The following PHYHIPL variants were observed in gnomAD, a reference collection of about 807,000 sequenced individuals.
PHYHIPL encodes phytanoyl-CoA 2-hydroxylase interacting protein like, also known as phytanoyl-CoA hydroxylase-interacting protein-like.
Under a neutral mutation model 33.4 loss-of-function variants are expected in PHYHIPL, and 9 were observed. The observed-to-expected ratio is 0.27, with a 90% confidence interval of 0.16 to 0.47. The LOEUF is 0.47. PHYHIPL is among the 20% of genes least tolerant of loss of function. The pLI, the probability that PHYHIPL is intolerant of heterozygous loss-of-function variation, is 0.99. For missense variants in PHYHIPL, 365 were observed against 460.7 expected (o/e 0.79, Z 1.90); for synonymous variants, 153 against 154.1 (o/e 0.99, Z 0.05).
intron 1 of PHYHIPL, among the ~76,000 whole-genome samples, chr10:59,221,230 T>G (rs1283067107): frequency 6.6e-6 from 1 of 152,044 alleles, no homozygotes; most frequent in African/African-American, 2.4e-5. Flanking sequence ...CCTTTTCAAC[T>G]TGATTTGCTG....
intron 1 of PHYHIPL, among the ~76,000 whole-genome samples, chr10:59,228,392 T>C (rs1171173050): frequency 1.3e-5 from 2 of 152,150 alleles, no homozygotes; most frequent in Non-Finnish European, 2.9e-5. Flanking sequence ...TATTTTTATT[T>C]TGAGAGTTTA....
intron 1 of PHYHIPL, among the ~76,000 whole-genome samples, chr10:59,187,051 A>G (rs1259200679): frequency 1.3e-5 from 2 of 152,170 alleles, no homozygotes; most frequent in African/African-American, 4.8e-5. Context: ...CAGTTTTCAA[A>G]GGGAATGCTT....
chr10:59,174,298 C>A (rs1838215940), upstream of PHYHIPL, among the ~76,000 whole-genome samples: 1 of 152,074 alleles, frequency 6.6e-6, no homozygotes, highest in African/African-American at 2.4e-5. Flanking sequence ...TTCTACTTTA[C>A]CTACTTCATA....
intron 1 of PHYHIPL, chr10:59,177,653 A>T: frequency 6.4e-7 from 1 of 1,550,612 alleles, no homozygotes. Context: ...TATATCGTTT[A>T]TTCTGTTGTT....
At position 59,246,763 on chromosome 10, in the gene PHYHIPL, A is replaced by C; in HGVS notation, c.*1172A>C. On this transcript the variant is annotated 3_prime_UTR_variant, in exon 5 of 5. Coordinates refer to ENST00000373880, the MANE Select transcript of PHYHIPL (RefSeq NM_032439.4). ...TATAGATGTTGGAACATTAAGAAAA[A>C]TGTATATTCCCAATGAAAAAATAGT... The C allele has an allele frequency of 2.5e-6, 1 of 396,032 alleles. No homozygotes were observed. The highest frequency in any genetic ancestry group is 4.5e-6 in the Non-Finnish European group (1 of 224,308). The allele number at this position is 396,032 out of a possible 1,614,324, so 24.5% of individuals were successfully genotyped here.
chr10:59,175,085 T>C (rs538443467), upstream of PHYHIPL, among the ~76,000 whole-genome samples: 247 of 152,334 alleles, frequency 1.6e-3, 1 homozygote, highest in African/African-American at 5.8e-3. Flanking sequence ...AATACCAATT[T>C]CTAGTTCTAC....
intron 1 of PHYHIPL, among the ~76,000 whole-genome samples, chr10:59,184,904 G>C (rs1838528353): frequency 6.9e-6 from 1 of 144,902 alleles, no homozygotes; most frequent in South Asian, 2.3e-4. Context: ...GCAGTGTTTA[G>C]TTTTTTGTCC....
chr10:59,176,522 G>T (rs1446853869), upstream of PHYHIPL: 3 of 169,420 alleles, frequency 1.8e-5, no homozygotes, highest in East Asian at 4.6e-4. Context: ...GCAGGTGGGC[G>T]CGTTCTCCCG....
In PHYHIPL at chr10:59,176,914, A is replaced by T. The variant is rs2133168491; in HGVS notation, c.61A>T (p.Ile21Phe). 1 of 1,613,670 alleles carries T rather than the reference A, an allele frequency of 6.2e-7. No homozygotes were observed. The highest frequency in any genetic ancestry group is 2.2e-5 in the East Asian group (1 of 44,796). ...NSPTSPCEEVIKNLSLEAIQL... is the reference protein window; with the variant it reads ...NSPTSPCEEVFKNLSLEAIQL... ...CCCCACCAGCCCCTGTGAGGAGGTG[A>T]TCAAAAACCTCAGCCTGGAGGCCAT... is the stretch of plus-strand genomic sequence containing the variant. The change falls in exon 1 of 5, where the codon ATC becomes TTC. Residue 21 changes from isoleucine (I) to phenylalanine (F), a missense_variant. Physicochemically the swap from Ile to Phe is conservative, Grantham distance 21. Coordinates refer to ENST00000373880, the MANE Select transcript of PHYHIPL (RefSeq NM_032439.4).
At chr10:59,180,255 T>TAC (rs199854033) in intron 1 of PHYHIPL, among the ~76,000 whole-genome samples, 12 of 105,004 alleles carry the variant, frequency 1.1e-4, no homozygotes, top group African/African-American at 5.3e-4. Context: ...TAATCATATA[T>TAC]ATACACACAC....
chr10:59,215,824 C>G (rs1434343179), intron 1 of PHYHIPL, among the ~76,000 whole-genome samples: 1 of 99,118 alleles, frequency 1.0e-5, no homozygotes, highest in East Asian at 2.9e-4. Flanking sequence ...GACAGACAAC[C>G]AGCCTTCATA....
At chr10:59,221,087 G>T (rs1053475882) in intron 1 of PHYHIPL, among the ~76,000 whole-genome samples, 2 of 151,778 alleles carry the variant, frequency 1.3e-5, no homozygotes, top group Non-Finnish European at 2.9e-5. Context: ...GACTAAACTT[G>T]CCTGGACTAG....
intron 4 of PHYHIPL, among the ~76,000 whole-genome samples, chr10:59,242,081 T>G (rs1190491785): frequency 6.6e-6 from 1 of 152,116 alleles, no homozygotes; most frequent in Non-Finnish European, 1.5e-5. Flanking sequence ...CTCTATCCTC[T>G]CACATCTGTA....
intron 1 of PHYHIPL, among the ~76,000 whole-genome samples, chr10:59,204,835 C>T (rs762186109): frequency 3.5e-4 from 52 of 150,720 alleles, no homozygotes; most frequent in Admixed American, 8.6e-4. Flanking sequence ...CTCATTTAGA[C>T]AGGATCAGTA....
At chr10:59,220,830 C>T (rs1339884808) in intron 1 of PHYHIPL, among the ~76,000 whole-genome samples, 1 of 151,914 alleles carries the variant, frequency 6.6e-6, no homozygotes, top group Non-Finnish European at 1.5e-5. Context: ...GTCATATAAC[C>T]TCTTTGTACC....
chr10:59,196,321 AT>A (rs1448981370), intron 1 of PHYHIPL, among the ~76,000 whole-genome samples: 1 of 150,690 alleles, frequency 6.6e-6, no homozygotes, highest in African/African-American at 2.4e-5. Context: ...TTAAATTGCT[AT>A]TTTGCCCAGT....
intron 1 of PHYHIPL, among the ~76,000 whole-genome samples, chr10:59,185,013 C>G (rs1229915064): frequency 3.4e-5 from 4 of 116,920 alleles, no homozygotes; most frequent in Non-Finnish European, 1.6e-5. Context: ...TTTTTTGAGA[C>G]GGAGTCTCGC....
intron 1 of PHYHIPL, among the ~76,000 whole-genome samples, chr10:59,233,684 A>G (rs1293512355): frequency 1.3e-5 from 2 of 151,822 alleles, no homozygotes; most frequent in African/African-American, 4.8e-5. Context: ...CAAGATTTTA[A>G]TATCAGTCAC....
Position 59,246,358 on chromosome 10 carries a change from T to C in PHYHIPL, c.*767T>C, listed in dbSNP as rs572843516. 1.2e-4 allele frequency: 31 copies of C among 249,740 alleles called. No homozygotes were observed. The South Asian group carries it at 1.8e-3, about 14-fold the overall frequency. 15.5% of individuals were successfully genotyped at this position (249,740 alleles called of 1,614,324 possible). A position where few individuals can be genotyped will look rare whatever the true frequency, so the allele number is the denominator to read the frequency against. The stretch of plus-strand genomic sequence containing the variant: ...ACATTATTCTGATTCATAAAAGTTA[T>C]AAAATATTAGGTAAATACAGAGAAA... On this transcript the variant is annotated 3_prime_UTR_variant, in exon 5 of 5. Transcript: ENST00000373880.
Sources: gnomAD v4.1 joint callset for allele counts (sites outside exome capture counted in the v4.1 genomes callset) on GRCh38, gnomAD v4.1.1 for gene constraint, MANE v1.5 for transcripts, NCBI Gene and HGNC (gene_info 2026-07-23, HGNC 2026-07-21) for gene names.